Variants in BIRC2 observed in about 807,000 individuals in gnomAD.
The protein encoded by BIRC2 is baculoviral IAP repeat containing 2.
Under a neutral mutation model 60.9 loss-of-function variants are expected in BIRC2, and 18 were observed. That is an observed-to-expected ratio of 0.30 (90% CI 0.20 to 0.44). BIRC2 has a LOEUF of 0.44. Among genes scored for constraint, BIRC2 ranks in the 20% least tolerant of loss-of-function variants. The probability of loss-of-function intolerance (pLI) is 1.00; values close to 1 mark genes in which losing one functional copy is unlikely to be tolerated. For synonymous variants in BIRC2, 282 were observed against 247.7 expected (o/e 1.14, Z -1.30); for missense variants, 701 against 728.5 (o/e 0.96, Z 0.43).
chr11:102,367,957 A>G (rs182051352), intron 5 of BIRC2, among the ~76,000 whole-genome samples: 112 of 152,322 alleles, frequency 7.4e-4, no homozygotes, highest in Admixed American at 1.6e-3. Context: ...TCTCACTTCT[A>G]AGTTCGTATA....
intron 4 of BIRC2, 115 bp from the exon 5 acceptor site, chr11:102,363,553 C>T (rs1302908177): frequency 3.1e-6 from 2 of 647,466 alleles, no homozygotes; most frequent in African/African-American, 1.9e-5. Flanking sequence ...TCATAAATCA[C>T]TCAGTTCTCA....
At chr11:102,362,558 T>C (rs527560762) in intron 3 of BIRC2, among the ~76,000 whole-genome samples, 1 of 152,334 alleles carries the variant, frequency 6.6e-6, no homozygotes, top group South Asian at 2.1e-4. Flanking sequence ...TAATAGTATC[T>C]GAAACTGTTA....
rs1451596636 is a variant in BIRC2 at position 102,350,962 on chromosome 11, G to A, written c.995+19G>A. The A allele has an allele frequency of 9.3e-6, 15 of 1,607,186 alleles. No individual in the cohort carries two copies. Among genetic ancestry groups the A allele is most frequent in the Non-Finnish European group, 1.3e-5 (15 of 1,176,116 alleles). On this transcript the variant is annotated intron_variant, in intron 3 of 8. Transcript: ENST00000227758. ...TTCCAAGGTAATTGTTTTGAAAAAGGTATTTGTACAAAAAACTCTGTGCTT... is the reference window on the plus strand; with the variant it reads ...TTCCAAGGTAATTGTTTTGAAAAAGATATTTGTACAAAAAACTCTGTGCTT...
intron 4 of BIRC2, 42 bp from the exon 5 acceptor site, chr11:102,363,626 G>A: frequency 6.8e-7 from 1 of 1,467,322 alleles, no homozygotes; most frequent in Non-Finnish European, 9.5e-7. Flanking sequence ...AGATTGTTGG[G>A]GATATCTGCT....
intron 3 of BIRC2, among the ~76,000 whole-genome samples, chr11:102,356,342 C>T (rs1457101392): frequency 6.6e-6 from 1 of 151,740 alleles, no homozygotes; most frequent in Non-Finnish European, 1.5e-5. Context: ...ATTACAGGTG[C>T]GTGCCACTGC....
rs1389968594 is a variant in BIRC2, at chr11:102,364,174, T to TATACAC, written c.1123+459_1123+460insTACACA. Among the ~76,000 whole-genome samples, 53 of 78,084 alleles carry TATACAC rather than the reference T, an allele frequency of 6.8e-4. 1 individual carries two copies. Among genetic ancestry groups the TATACAC allele is most frequent in the Middle Eastern group, 5.6e-3 (1 of 178 alleles). 51.2% of individuals were successfully genotyped at this position (78,084 alleles called of 152,430 possible). On this transcript the variant is annotated intron_variant, in intron 5 of 8. Coordinates refer to ENST00000227758, the MANE Select transcript of BIRC2 (RefSeq NM_001166.5). ...ATATATATATATATATATATATATATACACACACACACAGAGAGAGAGAGA... is the reference window on the plus strand; with the variant it reads ...ATATATATATATATATATATATATATATACACACACACACACACAGAGAGAGAGAGA...
At chr11:102,355,278 T>G (rs1263847157) in intron 3 of BIRC2, among the ~76,000 whole-genome samples, 1 of 152,202 alleles carries the variant, frequency 6.6e-6, no homozygotes, top group Non-Finnish European at 1.5e-5. Context: ...AGTTAATTTT[T>G]GTAGGTGGTA....
intron 3 of BIRC2, among the ~76,000 whole-genome samples, chr11:102,353,529 T>G (rs190455009): frequency 1.3e-5 from 2 of 151,918 alleles, no homozygotes; most frequent in African/African-American, 4.8e-5. Context: ...TGTTGGCCAG[T>G]CTAGTCTCAA....
intron 5 of BIRC2, among the ~76,000 whole-genome samples, chr11:102,365,081 T>C (rs1048770379): frequency 2.0e-5 from 3 of 152,224 alleles, no homozygotes; most frequent in African/African-American, 7.2e-5. Context: ...AGAGAGCTGC[T>C]TTATTGCCTC....
At chr11:102,361,617 C>T (rs35569122) in intron 3 of BIRC2, among the ~76,000 whole-genome samples, 7,683 of 152,180 alleles carry the variant, frequency 0.05, 274 homozygotes, top group Non-Finnish European at 0.081. Flanking sequence ...ACTATAGGGT[C>T]CTTCACTGTG....
chr11:102,374,939 T>C (rs980821909), intron 6 of BIRC2, among the ~76,000 whole-genome samples: 6 of 152,184 alleles, frequency 3.9e-5, no homozygotes, highest in Non-Finnish European at 5.9e-5. Flanking sequence ...TCCAGGTGCG[T>C]CCGTTACCCC....
chr11:102,364,710 A>G (rs946604337), intron 5 of BIRC2, among the ~76,000 whole-genome samples: 2 of 152,222 alleles, frequency 1.3e-5, no homozygotes, highest in African/African-American at 4.8e-5. Flanking sequence ...AAAGGTGACC[A>G]AGATGTATGA....
At chr11:102,370,021 T>C (rs1744065478) in intron 6 of BIRC2, among the ~76,000 whole-genome samples, 1 of 152,358 alleles carries the variant, frequency 6.6e-6, no homozygotes, top group Admixed American at 6.5e-5. Flanking sequence ...TGTTTGTTTT[T>C]GTCTTGTAAA....
chr11:102,377,445 AG>A, intron 6 of BIRC2, 50 bp from the exon 7 acceptor site: 1 of 1,511,450 alleles, frequency 6.6e-7, no homozygotes, highest in African/African-American at 1.4e-5. Flanking sequence ...ATATGAGTAT[AG>A]TTAAAGGAGT....
At chr11:102,377,048 G>A (rs1412366502) in intron 6 of BIRC2, among the ~76,000 whole-genome samples, 1 of 151,954 alleles carries the variant, frequency 6.6e-6, no homozygotes, top group Non-Finnish European at 1.5e-5. Context: ...TGTGATCTTA[G>A]GCCACTCATT....
rs768443468 is a variant in BIRC2, at chr11:102,350,014, T to A, written c.160T>A (p.Ser54Thr). The change falls in exon 2 of 9, where the codon TCA (serine) becomes ACA (threonine). Residue 54 changes from serine to threonine, a missense_variant. Physicochemically the swap from Ser to Thr is moderately conservative, Grantham distance 58 (BLOSUM62 1). This residue lies in a region of BIRC2 where 375 missense variants were observed against 365.9 expected (regional missense o/e 1.02). Transcript: ENST00000227758. ...SCELYRMSTY[S>T]TFPAGVPVSE... ...TGAACTCTACAGAATGTCTACATAT[T>A]CAACTTTCCCCGCCGGGGTGCCTGT... 6.2e-7 allele frequency: 1 copy of A among 1,614,208 alleles called. No individual in the cohort carries two copies. The highest frequency in any genetic ancestry group is 8.5e-7 in the Non-Finnish European group (1 of 1,180,026).
At chr11:102,371,785 T>G (rs922189693) in intron 6 of BIRC2, among the ~76,000 whole-genome samples, 2 of 150,800 alleles carry the variant, frequency 1.3e-5, no homozygotes, top group Admixed American at 1.3e-4. Flanking sequence ...CCGCTGTGAA[T>G]CCATCTGGTC....
chr11:102,350,912 C>A lies in BIRC2; in HGVS notation c.964C>A (p.Pro322Thr). The A allele has an allele frequency of 6.2e-7, 1 of 1,613,856 alleles. No homozygotes were observed. Among genetic ancestry groups the A allele is most frequent in the South Asian group, 1.1e-5 (1 of 91,046 alleles). Residue 322 changes from proline to threonine, a missense_variant, in exon 3 of 9, where the codon CCA becomes ACA. Physicochemically the swap from Pro to Thr is conservative, Grantham distance 38. Around this residue, in one of 4 missense-constraint regions of BIRC2, gnomAD observed 39 missense variants for 69.8 expected, o/e 0.56. Transcript: ENST00000227758. The part of the protein sequence containing the change: ...GLRCWESGDD[P>T]WVEHAKWFPR... Reference sequence around the variant, plus strand: ...GAGGTGTTGGGAATCTGGAGATGATCCATGGGTAGAACATGCCAAGTGGTT... The same window carrying A: ...GAGGTGTTGGGAATCTGGAGATGATACATGGGTAGAACATGCCAAGTGGTT...
intron 3 of BIRC2, among the ~76,000 whole-genome samples, chr11:102,352,979 ATAT>A (rs1276299505): frequency 6.6e-6 from 1 of 152,142 alleles, no homozygotes; most frequent in South Asian, 2.1e-4. Context: ...AAAGTTATTA[ATAT>A]TAATAATATA....
Sources: allele counts gnomAD v4.1 joint callset (sites outside exome capture counted in the v4.1 genomes callset), GRCh38; gene constraint gnomAD v4.1.1; regional missense constraint gnomAD v4.1.1; transcripts MANE v1.5; gene names NCBI Gene and HGNC (gene_info 2026-07-23, HGNC 2026-07-21).